SPECC1: variants seen among roughly 807,000 people sequenced by gnomAD.
SPECC1 encodes cytospin-B.
A neutral mutation model predicts 104.1 loss-of-function variants in SPECC1; 62 were observed. The ratio of observed to expected loss-of-function variants is 0.60; its 90% CI spans 0.49 to 0.74. The LOEUF (loss-of-function observed/expected upper bound fraction) is 0.74. SPECC1 is among the 30% of genes least tolerant of loss of function. The probability of loss-of-function intolerance (pLI) is 0.00; values close to 1 mark genes in which losing one functional copy is unlikely to be tolerated. For missense variants in SPECC1, 1,306 were observed against 1,310.5 expected (o/e 1.00, Z 0.05); for synonymous variants, 513 against 501.6 (o/e 1.02, Z -0.30).
chr17:20,291,319 T>C (rs2041155943), intron 12 of SPECC1, among the ~76,000 whole-genome samples: 1 of 152,216 alleles, frequency 6.6e-6, no homozygotes, highest in African/African-American at 2.4e-5. Flanking sequence ...AGGGCCTCTT[T>C]CAGCAGGGTC....
chr17:20,158,200 AG>A (rs1327859072), intron 3 of SPECC1, among the ~76,000 whole-genome samples: 1 of 152,138 alleles, frequency 6.6e-6, no homozygotes, highest in African/African-American at 2.4e-5. Flanking sequence ...AGTGCTTCCG[AG>A]GGTCATCAGA....
At chr17:20,277,351 A>G (rs1238459711) in intron 12 of SPECC1, among the ~76,000 whole-genome samples, 1 of 152,204 alleles carries the variant, frequency 6.6e-6, no homozygotes, top group East Asian at 1.9e-4. Flanking sequence ...TGGCTTACCA[A>G]TTTGCTAAGT....
In SPECC1 at chr17:20,255,883, C is replaced by CT. The variant is rs554972995; in HGVS notation, c.2681-1556dup. 4.6e-3 allele frequency among the ~76,000 whole-genome samples: 647 copies of CT among 141,870 alleles called. 4 individuals carry two copies. In the East Asian group the frequency reaches 0.055, roughly 12 times the overall value. 93.1% of individuals were successfully genotyped at this position (141,870 alleles called of 152,430 possible). A position where few individuals can be genotyped will look rare whatever the true frequency, so the allele number is the denominator to read the frequency against. ...CATCATGCCTGGCCAAGAAACCATT[C>CT]TTTTTTTTTTTTGAGATGCAGTCTT... On this transcript the variant is annotated intron_variant, in intron 10 of 14. Transcript: ENST00000395527.
intron 11 of SPECC1, 55 bp from the exon 12 acceptor site, chr17:20,260,137 G>A (rs1448905910): frequency 1.4e-6 from 2 of 1,390,130 alleles, no homozygotes; most frequent in Non-Finnish European, 2.0e-6. Flanking sequence ...TTGTGTATTT[G>A]AGAATTCTAA....
chr17:20,231,473 G>A (rs569498703), intron 5 of SPECC1, among the ~76,000 whole-genome samples: 18 of 152,190 alleles, frequency 1.2e-4, no homozygotes, highest in African/African-American at 3.6e-4. Flanking sequence ...GCCTCTTCCC[G>A]TAGTGCTGCT....
chr17:20,155,171 C>A (rs562889070), intron 3 of SPECC1, among the ~76,000 whole-genome samples: 1 of 152,046 alleles, frequency 6.6e-6, no homozygotes, highest in African/African-American at 2.4e-5. Context: ...GAGGAGGAAC[C>A]AACAAAGGGG....
intron 3 of SPECC1, among the ~76,000 whole-genome samples, chr17:20,118,610 A>G (rs1012521163): frequency 2.6e-5 from 4 of 152,208 alleles, no homozygotes; most frequent in African/African-American, 9.6e-5. Flanking sequence ...AGTATATATT[A>G]ATTATTAAAA....
chr17:20,011,456 A>ATATC (rs1567791655), intron 1 of SPECC1, among the ~76,000 whole-genome samples: 1 of 152,016 alleles, frequency 6.6e-6, no homozygotes, highest in Non-Finnish European at 1.5e-5. Flanking sequence ...AGACTCTTAC[A>ATATC]TATCTGTATG....
chr17:20,127,000 A>G (rs1388243311), intron 3 of SPECC1, among the ~76,000 whole-genome samples: 2 of 152,196 alleles, frequency 1.3e-5, no homozygotes, highest in African/African-American at 2.4e-5. Context: ...TCCATGTCAC[A>G]TATGTTATCT....
intron 2 of SPECC1, among the ~76,000 whole-genome samples, chr17:20,099,511 C>CAAAAAAA (rs56285234): frequency 3.3e-5 from 3 of 91,780 alleles, no homozygotes; most frequent in Non-Finnish European, 6.0e-5. Flanking sequence ...TGTCTTTACC[C>CAAAAAAA]AAAAAAAAAA....
At chr17:20,300,301 C>T (rs992994091) in intron 13 of SPECC1, among the ~76,000 whole-genome samples, 3 of 152,178 alleles carry the variant, frequency 2.0e-5, no homozygotes, top group Admixed American at 6.5e-5. Context: ...CAGGCTTCAG[C>T]GGCCTCACGG....
intron 12 of SPECC1, among the ~76,000 whole-genome samples, chr17:20,263,575 A>G (rs1171079628): frequency 6.6e-6 from 1 of 152,172 alleles, no homozygotes; most frequent in Admixed American, 6.5e-5. Flanking sequence ...AAAAAAAAGA[A>G]TAAGAAGTCA....
intron 1 of SPECC1, among the ~76,000 whole-genome samples, chr17:20,091,370 C>T (rs2047393886): frequency 6.6e-6 from 1 of 152,244 alleles, no homozygotes; most frequent in Admixed American, 6.5e-5. Context: ...TGTCATGTGC[C>T]GGCTGGTCTA....
chr17:20,291,838 C>G (rs180895679), intron 12 of SPECC1, among the ~76,000 whole-genome samples: 5 of 151,714 alleles, frequency 3.3e-5, no homozygotes, highest in Non-Finnish European at 7.4e-5. Flanking sequence ...GCTACCGCAC[C>G]CAGCCAAGGG....
At chr17:20,107,093 G>T (rs766547839) in intron 2 of SPECC1, among the ~76,000 whole-genome samples, 1 of 135,310 alleles carries the variant, frequency 7.4e-6, no homozygotes, top group Non-Finnish European at 1.5e-5. Context: ...GCAGTGAGCC[G>T]AGATCGCATC....
intron 3 of SPECC1, among the ~76,000 whole-genome samples, chr17:20,140,929 C>T (rs1567872639): frequency 6.6e-6 from 1 of 152,234 alleles, no homozygotes; most frequent in Non-Finnish European, 1.5e-5. Context: ...TGATCTATGG[C>T]TGTCTTACCT....
chr17:20,129,830 T>G (rs1483812508), intron 3 of SPECC1, among the ~76,000 whole-genome samples: 5 of 152,136 alleles, frequency 3.3e-5, no homozygotes, highest in Non-Finnish European at 7.4e-5. Flanking sequence ...CTTGGCTCAC[T>G]GCAACCTCTG....
chr17:20,166,974 T>C (rs1429769752), intron 3 of SPECC1, among the ~76,000 whole-genome samples: 1 of 151,928 alleles, frequency 6.6e-6, no homozygotes, highest in African/African-American at 2.4e-5. Flanking sequence ...TAGCTGGGCA[T>C]GGTGGCACTG....
chr17:20,234,508 A>C (rs1241144557), intron 7 of SPECC1, among the ~76,000 whole-genome samples: 2 of 152,084 alleles, frequency 1.3e-5, no homozygotes, highest in African/African-American at 4.8e-5. Flanking sequence ...ACCAACTCAC[A>C]CCCTCAAAGC....
Sources: allele counts gnomAD v4.1 joint callset (sites outside exome capture counted in the v4.1 genomes callset), GRCh38; gene constraint gnomAD v4.1.1; transcripts MANE v1.5; gene names NCBI Gene and HGNC (gene_info 2026-07-23, HGNC 2026-07-21).